RPS6KA2: variants seen among roughly 807,000 people sequenced by gnomAD.
RPS6KA2 encodes ribosomal protein S6 kinase alpha-2.
RPS6KA2 carries 42 observed loss-of-function variants against 91.8 expected under a neutral mutation model. The ratio of observed to expected loss-of-function variants is 0.46; its 90% confidence interval spans 0.36 to 0.59. The LOEUF (loss-of-function observed/expected upper bound fraction) is 0.59, where lower values mean the gene tolerates loss of function less well. Ranked by LOEUF, RPS6KA2 falls within the 20% of genes least tolerant of loss-of-function variation. The pLI, the probability that RPS6KA2 is intolerant of heterozygous loss-of-function variation, is 0.00. For synonymous variants in RPS6KA2, 414 were observed against 393.6 expected (o/e 1.05, Z -0.61); for missense variants, 798 against 978.5 (o/e 0.82, Z 2.46).
chr6:166,609,595 G>T (rs1201169956), intron 1 of RPS6KA2, among the ~76,000 whole-genome samples: 6 of 151,448 alleles, frequency 4.0e-5, no homozygotes, highest in Admixed American at 2.6e-4. Flanking sequence ...CGCCTCCTGG[G>T]TTCAAGCAAT....
intron 1 of RPS6KA2, among the ~76,000 whole-genome samples, chr6:166,539,709 TC>T (rs1309878536): frequency 6.6e-6 from 1 of 152,154 alleles, no homozygotes; most frequent in Non-Finnish European, 1.5e-5. Flanking sequence ...GAGCTTCCTG[TC>T]CCCAGAGTCA....
intron 11 of RPS6KA2, among the ~76,000 whole-genome samples, chr6:166,464,994 ATAAAT>A (rs1562512481): frequency 2.7e-5 from 1 of 37,134 alleles, no homozygotes; most frequent in African/African-American, 2.0e-4. Flanking sequence ...ACTTAAAAAA[ATAAAT>A]AAATAAATAA....
intron 2 of RPS6KA2, among the ~76,000 whole-genome samples, chr6:166,754,817 T>G (rs1275498974): frequency 6.6e-6 from 1 of 152,128 alleles, no homozygotes; most frequent in Non-Finnish European, 1.5e-5. Flanking sequence ...ACCCTCCCAA[T>G]GCCATGTTTG....
At chr6:166,862,364 G>A (rs1781067521) in exon 1 of RPS6KA2, 2 of 1,423,580 alleles carry the variant, frequency 1.4e-6, no homozygotes, top group Non-Finnish European at 1.8e-6. Flanking sequence ...GCGCCGGCCG[G>A]AGGAGGGACC....
intron 2 of RPS6KA2, among the ~76,000 whole-genome samples, chr6:166,813,041 T>C (rs969593098): frequency 6.6e-6 from 1 of 152,226 alleles, no homozygotes; most frequent in African/African-American, 2.4e-5. Flanking sequence ...CGCACCTCCA[T>C]GTCTCTTGAT....
chr6:166,422,553 C>T (rs1354155889), intron 17 of RPS6KA2, among the ~76,000 whole-genome samples: 1 of 152,206 alleles, frequency 6.6e-6, no homozygotes, highest in African/African-American at 2.4e-5. Flanking sequence ...ACAGCCCTTC[C>T]CTTCCTCTCT....
At chr6:166,745,744 A>G (rs1209311732) in intron 2 of RPS6KA2, among the ~76,000 whole-genome samples, 1 of 152,164 alleles carries the variant, frequency 6.6e-6, no homozygotes, top group East Asian at 1.9e-4. Context: ...CACGTGCAGC[A>G]CTGTTCTATC....
chr6:166,732,782 CA>C lies in RPS6KA2; in HGVS notation c.123+125417del, dbSNP rs1790567196. Among the ~76,000 whole-genome samples, 1 of 152,064 alleles carries C rather than the reference CA, an allele frequency of 6.6e-6. No homozygotes were observed. The highest frequency in any genetic ancestry group is 2.4e-5 in the African/African-American group (1 of 41,356). On this transcript the variant is annotated intron_variant, in intron 2 of 21. Transcript: ENST00000503859. This position sits in a 1 kb window ranked among gnomAD's most constrained non-coding sequence, Gnocchi z 4.0. ...AGCCTCTTCCTACCAGAGGTGATGA[CA>C]GGGGGATGACAGGGGGAGCTGTGAA... is the stretch of plus-strand genomic sequence containing the variant.
intron 2 of RPS6KA2, among the ~76,000 whole-genome samples, chr6:166,750,474 T>C (rs1791244720): frequency 6.6e-6 from 1 of 152,226 alleles, no homozygotes; most frequent in African/African-American, 2.4e-5. Context: ...CCTGTACTTG[T>C]CAATCCCCAG....
At chr6:166,507,214 C>A (rs561446056) in intron 5 of RPS6KA2, among the ~76,000 whole-genome samples, 1 of 152,230 alleles carries the variant, frequency 6.6e-6, no homozygotes, top group East Asian at 1.9e-4. Flanking sequence ...TCCTACCCAC[C>A]GACCTGCGCC....
chr6:166,818,728 G>A (rs7739906), intron 2 of RPS6KA2, among the ~76,000 whole-genome samples: 114,109 of 151,920 alleles, frequency 0.75, 42,990 homozygotes, highest in East Asian at 0.92. Flanking sequence ...TTTTTTAGTC[G>A]AGATGTTATA....
chr6:166,767,241 C>T lies in RPS6KA2; in HGVS notation c.123+90959G>A, dbSNP rs550260813. Among the ~76,000 whole-genome samples the T allele has an allele frequency of 6.6e-6, 1 of 152,286 alleles. No individual in the cohort carries two copies. The highest frequency in any genetic ancestry group is 1.9e-4 in the East Asian group (1 of 5,184). On this transcript the variant is annotated intron_variant, in intron 2 of 21. Coordinates refer to the RPS6KA2 transcript ENST00000503859. The surrounding 1 kb of genome is among the most constrained non-coding windows in gnomAD (Gnocchi z 4.6). ...CCTATCACCTCCCCATGAGCAACGC[C>T]ATCAAAAAGCAAAATACAACTGCGA... is the stretch of plus-strand genomic sequence containing the variant.
intron 11 of RPS6KA2, among the ~76,000 whole-genome samples, chr6:166,460,066 GC>G (rs1780224943): frequency 6.6e-6 from 1 of 152,228 alleles, no homozygotes; most frequent in Non-Finnish European, 1.5e-5. Flanking sequence ...GTGCTCTCTT[GC>G]CAGTGTCTCA....
intron 1 of RPS6KA2, among the ~76,000 whole-genome samples, chr6:166,555,518 G>A (rs1270806247): frequency 2.0e-5 from 3 of 151,964 alleles, no homozygotes; most frequent in Non-Finnish European, 4.4e-5. Context: ...CAATCTCCAC[G>A]CTGCAGCCAC....
chr6:166,607,908 G>A (rs1462523011), intron 1 of RPS6KA2, among the ~76,000 whole-genome samples: 1 of 152,118 alleles, frequency 6.6e-6, no homozygotes, highest in African/African-American at 2.4e-5. Flanking sequence ...TATTCAGGAG[G>A]CTGAGGCAGG....
intron 2 of RPS6KA2, among the ~76,000 whole-genome samples, chr6:166,656,924 T>C (rs548421159): frequency 6.6e-6 from 1 of 152,324 alleles, no homozygotes; most frequent in Admixed American, 6.5e-5. Flanking sequence ...AGACTCTCTC[T>C]GACTCAGAGA....
Position 166,530,635 on chromosome 6 carries a change from A to C in RPS6KA2, c.298+597T>G, listed in dbSNP as rs946383349. ...TCCCTCTCTCACCAACACAGTGAAT[A>C]GGAGGTGATCAGAACAGATACGGTA... On this transcript the variant is annotated intron_variant, in intron 3 of 20. Transcript: ENST00000265678. Among the ~76,000 whole-genome samples, 11 of 152,242 alleles carry C rather than the reference A, an allele frequency of 7.2e-5. No homozygotes were observed. In the East Asian group the frequency reaches 2.1e-3, roughly 29 times the overall value.
chr6:166,751,421 C>A (rs999303151), intron 2 of RPS6KA2, among the ~76,000 whole-genome samples: 5 of 152,264 alleles, frequency 3.3e-5, no homozygotes, highest in African/African-American at 1.2e-4. Context: ...CTGTGGTCTG[C>A]TCTGCAGCAG....
chr6:166,496,484 C>G (rs961119862), intron 8 of RPS6KA2, among the ~76,000 whole-genome samples: 9 of 151,960 alleles, frequency 5.9e-5, no homozygotes, highest in African/African-American at 2.2e-4. Flanking sequence ...TCCCCTCCCC[C>G]TGTCCCCCCA....
Sources: gnomAD v4.1 joint callset for allele counts (sites outside exome capture counted in the v4.1 genomes callset) on GRCh38, gnomAD v4.1.1 for gene constraint, Gnocchi (gnomAD v3.1) non-coding constraint, MANE v1.5 for transcripts, NCBI Gene and HGNC (gene_info 2026-07-23, HGNC 2026-07-21) for gene names.